ERC1: variants seen among roughly 807,000 people sequenced by gnomAD.
ERC1 encodes ELKS/RAB6-interacting/CAST family member 1.
In ERC1, 56 loss-of-function variants were observed where a neutral mutation model predicts 132.0. The ratio of observed to expected loss-of-function variants is 0.42; its 90% CI spans 0.34 to 0.53. ERC1 has a LOEUF of 0.53. Among genes scored for constraint, ERC1 ranks in the 20% least tolerant of loss-of-function variants. The pLI, the probability that ERC1 is intolerant of heterozygous loss-of-function variation, is 0.03. For synonymous variants in ERC1, 478 were observed against 476.1 expected, an observed-to-expected ratio of 1.00 and a Z score of -0.05; for missense variants, 1,202 against 1,349.9, an observed-to-expected ratio of 0.89 and a Z score of 1.72.
At chr12:1,006,138 G>A (rs1405460936) in intron 1 of ERC1, among the ~76,000 whole-genome samples, 3 of 151,800 alleles carry the variant, frequency 2.0e-5, no homozygotes, top group Non-Finnish European at 4.4e-5. Flanking sequence ...TGTATTTTTA[G>A]TAGAGACGGG....
At chr12:1,391,914 T>C (rs1021954904) in intron 16 of ERC1, among the ~76,000 whole-genome samples, 1 of 152,244 alleles carries the variant, frequency 6.6e-6, no homozygotes, top group Non-Finnish European at 1.5e-5. Context: ...TCCAGGGAGC[T>C]GCAGGTCACA....
At chr12:1,315,455 A>T (rs572998065) in intron 15 of ERC1, among the ~76,000 whole-genome samples, 11 of 151,850 alleles carry the variant, frequency 7.2e-5, no homozygotes, top group Admixed American at 6.6e-4. Context: ...GGTTCAAGCT[A>T]TTCTCCTGCC....
chr12:1,075,169 T>C (rs974525555), intron 2 of ERC1, among the ~76,000 whole-genome samples: 4 of 152,150 alleles, frequency 2.6e-5, no homozygotes, highest in African/African-American at 7.2e-5. Context: ...TCTTTTAAAA[T>C]GTTTCTTCTT....
intron 8 of ERC1, among the ~76,000 whole-genome samples, chr12:1,153,857 C>A (rs1169099840): frequency 1.3e-5 from 2 of 152,208 alleles, no homozygotes; most frequent in African/African-American, 2.4e-5. Flanking sequence ...TCCCTTCCTG[C>A]ACTTTTGGGA....
At chr12:1,303,316 A>G (rs752127136) in intron 15 of ERC1, among the ~76,000 whole-genome samples, 8 of 152,182 alleles carry the variant, frequency 5.3e-5, no homozygotes, top group Admixed American at 1.3e-4. Flanking sequence ...CTTCTTTCAA[A>G]ATTGGAGTCA....
At chr12:1,489,225 G>T (rs561589597) in intron 18 of ERC1, among the ~76,000 whole-genome samples, 2 of 152,298 alleles carry the variant, frequency 1.3e-5, no homozygotes, top group Admixed American at 6.5e-5. Context: ...ATCAGCCTTT[G>T]TTCTTCTGCG....
At chr12:1,270,577 C>T (rs1053031817) in intron 14 of ERC1, among the ~76,000 whole-genome samples, 7 of 151,386 alleles carry the variant, frequency 4.6e-5, no homozygotes, top group African/African-American at 1.7e-4. Context: ...TATAAAAGTC[C>T]CATTAATCTC....
chr12:1,269,637 G>A (rs1033629063), intron 14 of ERC1, among the ~76,000 whole-genome samples: 4 of 152,132 alleles, frequency 2.6e-5, no homozygotes, highest in African/African-American at 9.7e-5. Flanking sequence ...GAAAGCGGGA[G>A]GATCAGATGG....
intron 15 of ERC1, among the ~76,000 whole-genome samples, chr12:1,344,601 A>C (rs543113143): frequency 5.5e-4 from 84 of 152,352 alleles, no homozygotes; most frequent in African/African-American, 1.9e-3. Context: ...TAAAAGATAC[A>C]GTTAAAAAGA....
At chr12:1,062,167 T>C (rs1468768511) in intron 2 of ERC1, among the ~76,000 whole-genome samples, 1 of 151,912 alleles carries the variant, frequency 6.6e-6, no homozygotes, top group East Asian at 1.9e-4. Flanking sequence ...ATATTTTTAG[T>C]AGAGACAGGG....
intron 8 of ERC1, among the ~76,000 whole-genome samples, chr12:1,156,966 T>C (rs1951458075): frequency 6.6e-6 from 1 of 152,172 alleles, no homozygotes; most frequent in African/African-American, 2.4e-5. Flanking sequence ...TTTCCTGTTT[T>C]TTGTTTTTTG....
intron 1 of ERC1, among the ~76,000 whole-genome samples, chr12:996,410 C>T (rs561449301): frequency 8.6e-5 from 13 of 151,796 alleles, no homozygotes; most frequent in Admixed American, 7.2e-4. Flanking sequence ...CCTCATTCTC[C>T]GGGTAGATTT....
intron 14 of ERC1, among the ~76,000 whole-genome samples, chr12:1,286,697 C>G (rs2079066176): frequency 6.6e-6 from 1 of 152,078 alleles, no homozygotes; most frequent in African/African-American, 2.4e-5. Context: ...TCAGTAAGAG[C>G]ATTTAAGAAG....
At chr12:1,143,212 T>TA (rs1414776389) in intron 8 of ERC1, among the ~76,000 whole-genome samples, 1 of 152,026 alleles carries the variant, frequency 6.6e-6, no homozygotes, top group Non-Finnish European at 1.5e-5. Context: ...CCACCTTTTT[T>TA]AAAAAATAAA....
rs1390325152 is a variant in ERC1, at chr12:1,418,565, TTTTCTTTCTTTCTTTCTTTCTTTCTC to T, written c.3024+10344_3024+10369del. Among the ~76,000 whole-genome samples the T allele has an allele frequency of 2.5e-3, 368 of 145,356 alleles. 1 individual carries two copies. The highest frequency in any genetic ancestry group is 7.3e-3 in the East Asian group (37 of 5,060). Reference sequence around the variant, plus strand: ...ATTTCCTTCTTTTCTGAAGTCTTCATTTTCTTTCTTTCTTTCTTTCTTTCTCTTTCTTTCTTTCTTTCTTTCTTTCT... The same window carrying T: ...ATTTCCTTCTTTTCTGAAGTCTTCATTTTCTTTCTTTCTTTCTTTCTTTCT... On this transcript the variant is annotated intron_variant, in intron 17 of 18. Transcript: ENST00000360905.
intron 12 of ERC1, among the ~76,000 whole-genome samples, chr12:1,230,004 CTTT>C (rs754220477): frequency 2.7e-4 from 29 of 107,758 alleles, no homozygotes; most frequent in Non-Finnish European, 3.6e-4. Flanking sequence ...CTTTTTGACT[CTTT>C]TTTTTTTTTT....
chr12:1,460,266 C>T (rs1344752504), intron 18 of ERC1, among the ~76,000 whole-genome samples: 1 of 152,134 alleles, frequency 6.6e-6, no homozygotes, highest in Non-Finnish European at 1.5e-5. Flanking sequence ...AATCAGTAAA[C>T]TAGGATTAAG....
intron 6 of ERC1, among the ~76,000 whole-genome samples, chr12:1,114,484 A>C (rs1359282784): frequency 1.2e-5 from 1 of 82,514 alleles, no homozygotes; most frequent in African/African-American, 6.0e-5. Flanking sequence ...GAATAATCTT[A>C]GTCATAGTTC....
chr12:1,055,998 TAAATGA>T (rs1972880688), intron 2 of ERC1, among the ~76,000 whole-genome samples: 1 of 149,278 alleles, frequency 6.7e-6, no homozygotes, highest in East Asian at 2.0e-4. Context: ...TAAAATAAAA[TAAATGA>T]AAATAAAAAT....
Sources: gnomAD v4.1 joint callset for allele counts (sites outside exome capture counted in the v4.1 genomes callset) on GRCh38, gnomAD v4.1.1 for gene constraint, MANE v1.5 for transcripts, NCBI Gene and HGNC (gene_info 2026-07-23, HGNC 2026-07-21) for gene names.